The following KRIT1 variants were observed in gnomAD, a reference collection of about 807,000 sequenced individuals.
KRIT1 encodes KRIT1 ankyrin repeat containing.
In KRIT1, 45 loss-of-function variants were observed where a neutral mutation model predicts 95.8. The ratio of observed to expected loss-of-function variants is 0.47; its 90% confidence interval spans 0.37 to 0.60. KRIT1 has a LOEUF of 0.60. Among genes scored for constraint, KRIT1 ranks in the 20% least tolerant of loss-of-function variants. KRIT1 has a pLI of 0.00. For synonymous variants in KRIT1, 282 were observed against 278.8 expected (o/e 1.01, Z -0.11); for missense variants, 788 against 877.5 (o/e 0.90, Z 1.29).
intron 17 of KRIT1, among the ~76,000 whole-genome samples, chr7:92,209,324 C>T (rs1792264775): frequency 6.6e-6 from 1 of 152,116 alleles, no homozygotes; most frequent in South Asian, 2.1e-4. Context: ...CACTCTTAAT[C>T]AACATAGTAC....
At chr7:92,224,609 T>C (rs1006128132) in intron 12 of KRIT1, among the ~76,000 whole-genome samples, 1 of 152,218 alleles carries the variant, frequency 6.6e-6, no homozygotes, top group African/African-American at 2.4e-5. Flanking sequence ...AAAATTATTA[T>C]TTTAATAGCT....
chr7:92,226,294 C>T (rs190584828), intron 11 of KRIT1, among the ~76,000 whole-genome samples: 2 of 151,682 alleles, frequency 1.3e-5, no homozygotes, highest in African/African-American at 2.4e-5. Context: ...AAATTTTAGG[C>T]GAGGTGTATT....
At chr7:92,239,813 C>T (rs569006616) in intron 5 of KRIT1, among the ~76,000 whole-genome samples, 10 of 150,674 alleles carry the variant, frequency 6.6e-5, no homozygotes, top group South Asian at 4.2e-4. Context: ...CATGTTCAAG[C>T]GATTCTTCTG....
At chr7:92,228,909 C>T (rs1038950950) in intron 10 of KRIT1, among the ~76,000 whole-genome samples, 1 of 152,134 alleles carries the variant, frequency 6.6e-6, no homozygotes, top group South Asian at 2.1e-4. Flanking sequence ...CCTGCAAAGA[C>T]AAGATCTTGT....
At chr7:92,217,004 T>A (rs906939424) in intron 14 of KRIT1, among the ~76,000 whole-genome samples, 1 of 152,208 alleles carries the variant, frequency 6.6e-6, no homozygotes, top group Admixed American at 6.5e-5. Flanking sequence ...TTCTTAATTA[T>A]ATAATGAGTG....
Position 92,200,526 on chromosome 7 carries a change from G to T in KRIT1, c.*210C>A. ...CCGCCACCACACCCAGCTAATTTTTGTATTTTTGTAGAGACAGGGTTTCAC... is the reference window on the plus strand; with the variant it reads ...CCGCCACCACACCCAGCTAATTTTTTTATTTTTGTAGAGACAGGGTTTCAC... On this transcript the variant is annotated 3_prime_UTR_variant, in exon 19 of 19. Transcript: ENST00000394505. The T allele has an allele frequency of 1.9e-6, 1 of 516,028 alleles. No homozygotes were observed. The highest frequency in any genetic ancestry group is 3.5e-6 in the Non-Finnish European group (1 of 285,490). 32.0% of individuals were successfully genotyped at this position (516,028 alleles called of 1,614,324 possible). A position where few individuals can be genotyped will look rare whatever the true frequency, so the allele number is the denominator to read the frequency against.
In KRIT1 at chr7:92,237,695, T is replaced by C. The variant is rs537270839; in HGVS notation, c.327A>G (p.Ser109=). ...LDGEKMGREA[S]LFIVPSVVKD... ...TGACAACTGATGGAACAATAAATAA[T>C]GATGCTTCTCTGCCCATCTTCTCTC... Residue 109 remains serine (S), a synonymous_variant, in exon 6 of 19, where the codon TCA becomes TCG. Transcript: ENST00000394505. The C allele has an allele frequency of 6.2e-7, 1 of 1,605,124 alleles. No homozygotes were observed. The highest frequency in any genetic ancestry group is 2.2e-5 in the East Asian group (1 of 44,668).
intron 10 of KRIT1, among the ~76,000 whole-genome samples, chr7:92,233,956 CT>C (rs1797870666): frequency 6.6e-6 from 1 of 152,164 alleles, no homozygotes; most frequent in African/African-American, 2.4e-5. Flanking sequence ...ACACTAGTAT[CT>C]AACATAATGG....
intron 14 of KRIT1, 31 bp from the exon 15 acceptor site, chr7:92,214,808 G>A: frequency 2.1e-6 from 3 of 1,457,760 alleles, no homozygotes; most frequent in Non-Finnish European, 2.9e-6. Context: ...TTGGTTATTA[G>A]GCTACAATTT....
At chr7:92,235,799 T>A in intron 7 of KRIT1, 153 bp from the exon 8 acceptor site, 3 of 674,604 alleles carry the variant, frequency 4.4e-6, no homozygotes, top group Non-Finnish European at 2.4e-6. Flanking sequence ...TTATTATTTT[T>A]AAAATTTATT....
At chr7:92,223,400 G>A (rs902692087) in intron 12 of KRIT1, among the ~76,000 whole-genome samples, 8 of 147,676 alleles carry the variant, frequency 5.4e-5, no homozygotes, top group African/African-American at 1.0e-4. Flanking sequence ...CTGAGATTGC[G>A]CGACTGCACT....
At chr7:92,231,080 A>C (rs1563291391) in intron 10 of KRIT1, among the ~76,000 whole-genome samples, 1 of 152,222 alleles carries the variant, frequency 6.6e-6, no homozygotes, top group Non-Finnish European at 1.5e-5. Context: ...TATCAGAGAA[A>C]GAAGACACTG....
In KRIT1 at chr7:92,214,044, T is replaced by C. The variant is rs187645445; in HGVS notation, c.1731-65A>G. 81 of 990,552 alleles carry C rather than the reference T, an allele frequency of 8.2e-5. No homozygotes were observed. In the African/African-American group the frequency reaches 1.2e-3, roughly 15 times the overall value. The allele number at this position is 990,552 out of a possible 1,614,324, so 61.4% of individuals were successfully genotyped here. ...TTTAGTAGCTAAAGTATAGTAATCA[T>C]TCTGTTACAAATGGCTTTCAGTAAC... On this transcript the variant is annotated intron_variant, in intron 15 of 18. Transcript: ENST00000394505.
At chr7:92,220,314 T>C (rs1435890507) in intron 14 of KRIT1, among the ~76,000 whole-genome samples, 1 of 152,208 alleles carries the variant, frequency 6.6e-6, no homozygotes, top group African/African-American at 2.4e-5. Flanking sequence ...TTTCATTCTA[T>C]TAATGTGATT....
In KRIT1 at chr7:92,245,869, G is replaced by A. The variant is rs1375332896; in HGVS notation, c.-500C>T. The A allele has an allele frequency of 4.6e-6, 1 of 218,694 alleles. No homozygotes were observed. The highest frequency in any genetic ancestry group is 9.1e-6 in the Non-Finnish European group (1 of 109,834). 13.5% of individuals were successfully genotyped at this position (218,694 alleles called of 1,614,324 possible). A position where few individuals can be genotyped will look rare whatever the true frequency, so the allele number is the denominator to read the frequency against. On this transcript the variant is annotated 5_prime_UTR_variant, in exon 1 of 19. Transcript: ENST00000394505. ...CCTCTCCCGAAACTACGGGGTCCCA[G>A]GTCTTCAAAGGCCTTAGCTTTCCAC...
chr7:92,211,421 A>G (rs1792799080), intron 17 of KRIT1, among the ~76,000 whole-genome samples: 1 of 152,246 alleles, frequency 6.6e-6, no homozygotes, highest in Non-Finnish European at 1.5e-5. Context: ...AGCCAGGCAC[A>G]GAAAGTCAAA....
chr7:92,205,121 C>T (rs914744939), intron 17 of KRIT1, among the ~76,000 whole-genome samples: 40 of 152,190 alleles, frequency 2.6e-4, no homozygotes, highest in African/African-American at 7.7e-4. Context: ...GCGAGGCAGT[C>T]GGATCACCTG....
chr7:92,242,251 C>T (rs1338482186), intron 3 of KRIT1, 114 bp from the exon 4 acceptor site: 4 of 695,592 alleles, frequency 5.8e-6, no homozygotes, highest in African/African-American at 3.6e-5. Context: ...ATAATCATGT[C>T]GAAAAAATTA....
At chr7:92,229,425 T>C (rs1415271811) in intron 10 of KRIT1, among the ~76,000 whole-genome samples, 1 of 152,132 alleles carries the variant, frequency 6.6e-6, no homozygotes, top group East Asian at 1.9e-4. Flanking sequence ...ATCCAGCACC[T>C]ATAAGAAACT....
Sources: allele counts gnomAD v4.1 joint callset (sites outside exome capture counted in the v4.1 genomes callset), GRCh38; gene constraint gnomAD v4.1.1; transcripts MANE v1.5; gene names NCBI Gene and HGNC (gene_info 2026-07-23, HGNC 2026-07-21).